The following ANO6 variants were observed in gnomAD, a reference collection of about 807,000 sequenced individuals.
The protein encoded by ANO6 is anoctamin-6.
Under a neutral mutation model 117.5 loss-of-function variants are expected in ANO6, and 106 were observed. The observed-to-expected ratio is 0.90, with a 90% CI of 0.77 to 1.06. The LOEUF (loss-of-function observed/expected upper bound fraction) is 1.06. ANO6 is among the 50% of genes least tolerant of loss of function. The pLI is 0.00. For missense variants in ANO6, 955 were observed against 1,121.1 expected, an observed-to-expected ratio of 0.85 and a Z score of 2.12; for synonymous variants, 367 against 385.1, an observed-to-expected ratio of 0.95 and a Z score of 0.55.
chr12:45,216,187 T>C lies in ANO6; in HGVS notation c.-135T>C. ...CGGCTCGGCTTTCCCCGGCGCTGGC[T>C]GGGCTCAGCGGCCCCTGAGCCCAAG... On this transcript the variant is annotated 5_prime_UTR_variant, in exon 1 of 20. Transcript: ENST00000320560. 1 of 1,026,044 alleles carries C rather than the reference T, an allele frequency of 9.7e-7. No individual in the cohort carries two copies. The highest frequency in any genetic ancestry group is 1.5e-6 in the Non-Finnish European group (1 of 687,014). 63.6% of individuals were successfully genotyped at this position (1,026,044 alleles called of 1,614,324 possible).
intron 13 of ANO6, among the ~76,000 whole-genome samples, chr12:45,402,348 G>A (rs1052814401): frequency 6.6e-6 from 1 of 152,198 alleles, no homozygotes; most frequent in Non-Finnish European, 1.5e-5. Flanking sequence ...ATAGGGTCAT[G>A]GTTCCGGTGG....
intron 2 of ANO6, among the ~76,000 whole-genome samples, chr12:45,330,350 A>C (rs1250373146): frequency 1.3e-5 from 2 of 152,188 alleles, no homozygotes; most frequent in Non-Finnish European, 2.9e-5. Context: ...AGAATTAATC[A>C]CATTTAATGA....
chr12:45,290,147 A>G (rs927862611), intron 1 of ANO6, among the ~76,000 whole-genome samples: 6 of 152,140 alleles, frequency 3.9e-5, no homozygotes, highest in Non-Finnish European at 8.8e-5. Flanking sequence ...TGCATTAGTA[A>G]TAGAGACAAT....
intron 19 of ANO6, among the ~76,000 whole-genome samples, chr12:45,427,342 ACTTCT>A (rs1265229402): frequency 6.6e-6 from 1 of 151,886 alleles, no homozygotes; most frequent in Admixed American, 6.6e-5. Flanking sequence ...CTCAGACATC[ACTTCT>A]CTTCTCGTCA....
chr12:45,262,328 A>T (rs993901173), intron 1 of ANO6, among the ~76,000 whole-genome samples: 1 of 152,204 alleles, frequency 6.6e-6, no homozygotes, highest in Non-Finnish European at 1.5e-5. Flanking sequence ...ACATAACATA[A>T]AATTAACCAT....
chr12:45,433,671 G>A (rs931444201), downstream of ANO6, among the ~76,000 whole-genome samples: 11 of 151,060 alleles, frequency 7.3e-5, no homozygotes, highest in South Asian at 2.1e-4. Flanking sequence ...TCTCTCTTCT[G>A]ATGTGCTCTT....
intron 1 of ANO6, chr12:45,270,591 C>T (rs959769865): frequency 2.3e-5 from 12 of 532,482 alleles, no homozygotes; most frequent in South Asian, 1.3e-4. Flanking sequence ...CTGTCAGTTC[C>T]GGGAGAACAG....
At chr12:45,421,678 T>C (rs1943369710) in intron 18 of ANO6, among the ~76,000 whole-genome samples, 1 of 152,228 alleles carries the variant, frequency 6.6e-6, no homozygotes. Context: ...GTTAATACTA[T>C]TGTGTTATTC....
intron 1 of ANO6, among the ~76,000 whole-genome samples, chr12:45,255,962 C>T (rs902564975): frequency 7.2e-5 from 11 of 151,850 alleles, no homozygotes; most frequent in African/African-American, 2.7e-4. Flanking sequence ...GCTGGGATTA[C>T]AGGCATGCAC....
intron 1 of ANO6, among the ~76,000 whole-genome samples, chr12:45,291,346 CAAAAAAAA>C (rs747924513): frequency 2.1e-5 from 1 of 48,240 alleles, no homozygotes; most frequent in African/African-American, 8.2e-5. Context: ...AACTCCGTCT[CAAAAAAAA>C]AAAAAAAAAA....
At chr12:45,354,564 G>A (rs1484235358) in intron 7 of ANO6, among the ~76,000 whole-genome samples, 1 of 152,096 alleles carries the variant, frequency 6.6e-6, no homozygotes, top group African/African-American at 2.4e-5. Flanking sequence ...ATCAGTCAAG[G>A]TTGGAGGAGG....
chr12:45,227,078 T>C (rs1301870091), intron 1 of ANO6, among the ~76,000 whole-genome samples: 5 of 148,262 alleles, frequency 3.4e-5, no homozygotes, highest in African/African-American at 1.0e-4. Flanking sequence ...AACCTCTGCC[T>C]CCTGGGTTCA....
chr12:45,267,053 A>G (rs1378662652), intron 1 of ANO6, among the ~76,000 whole-genome samples: 1 of 152,134 alleles, frequency 6.6e-6, no homozygotes, highest in African/African-American at 2.4e-5. Flanking sequence ...GACTGTATCC[A>G]TGTTGTGCTA....
At chr12:45,354,880 A>G (rs1465289029) in intron 7 of ANO6, among the ~76,000 whole-genome samples, 1 of 152,242 alleles carries the variant, frequency 6.6e-6, no homozygotes, top group African/African-American at 2.4e-5. Context: ...GATGGCAGGA[A>G]TAGAGATGTG....
chr12:45,393,303 T>G (rs760679680), intron 12 of ANO6, among the ~76,000 whole-genome samples: 34 of 151,920 alleles, frequency 2.2e-4, no homozygotes, highest in Non-Finnish European at 4.6e-4. Flanking sequence ...GAGGAAAAAG[T>G]AAAAAGCAAC....
At chr12:45,334,428 T>G (rs1940765865) in intron 3 of ANO6, among the ~76,000 whole-genome samples, 1 of 152,056 alleles carries the variant, frequency 6.6e-6, no homozygotes, top group Non-Finnish European at 1.5e-5. Flanking sequence ...GCTCTTAAAT[T>G]GTCTTCCCTT....
At chr12:45,383,642 A>G (rs1475300536) in intron 10 of ANO6, among the ~76,000 whole-genome samples, 1 of 152,178 alleles carries the variant, frequency 6.6e-6, no homozygotes, top group Non-Finnish European at 1.5e-5. Flanking sequence ...TCTCCATCAG[A>G]GTTCTTGGGT....
At chr12:45,424,864 G>GA (rs1420761652) in intron 19 of ANO6, among the ~76,000 whole-genome samples, 1 of 151,978 alleles carries the variant, frequency 6.6e-6, no homozygotes, top group Non-Finnish European at 1.5e-5. Flanking sequence ...CTTCTCTGGA[G>GA]AAAAATGTCC....
At chr12:45,227,037 G>A (rs1280615935) in intron 1 of ANO6, among the ~76,000 whole-genome samples, 1 of 136,268 alleles carries the variant, frequency 7.3e-6, no homozygotes, top group African/African-American at 2.8e-5. Context: ...TGCCCAGGCT[G>A]GAGTGCAGTG....
Sources: allele counts gnomAD v4.1 joint callset (sites outside exome capture counted in the v4.1 genomes callset), GRCh38; gene constraint gnomAD v4.1.1; transcripts MANE v1.5; gene names NCBI Gene and HGNC (gene_info 2026-07-23, HGNC 2026-07-21).